NIPBL: variants seen among roughly 807,000 people sequenced by gnomAD.
NIPBL encodes the protein NIPBL cohesin loading factor.
A neutral mutation model predicts 321.8 loss-of-function variants in NIPBL; 19 were observed. The ratio of observed to expected loss-of-function variants is 0.06; its 90% CI spans 0.04 to 0.09. The LOEUF is 0.09. Among genes scored for constraint, NIPBL ranks in the 10% least tolerant of loss-of-function variants. The probability of loss-of-function intolerance (pLI) is 1.00; values close to 1 mark genes in which losing one functional copy is unlikely to be tolerated. For missense variants in NIPBL, 2,210 were observed against 3,327.0 expected (o/e 0.66, Z 8.26); for synonymous variants, 1,106 against 1,114.1 (o/e 0.99, Z 0.14).
chr5:36,913,432 C>T (rs957818543), intron 1 of NIPBL, among the ~76,000 whole-genome samples: 4 of 150,986 alleles, frequency 2.6e-5, no homozygotes. Context: ...GCTCCGTCTC[C>T]CAGGCTGGAG....
chr5:37,033,024 C>T (rs1751249110), intron 32 of NIPBL, among the ~76,000 whole-genome samples: 1 of 152,024 alleles, frequency 6.6e-6, no homozygotes. Context: ...AAGTGCATGG[C>T]TAATATATGT....
chr5:36,945,653 T>G (rs1008307518), intron 1 of NIPBL, among the ~76,000 whole-genome samples: 34 of 152,222 alleles, frequency 2.2e-4, no homozygotes, highest in African/African-American at 8.2e-4. Context: ...CTTTGCTTTA[T>G]TTTGCATTTT....
intron 1 of NIPBL, among the ~76,000 whole-genome samples, chr5:36,918,122 C>G (rs1267842195): frequency 6.6e-6 from 1 of 152,092 alleles, no homozygotes; most frequent in African/African-American, 2.4e-5. Context: ...GGCAGTATGG[C>G]CATTTTCACG....
chr5:36,897,194 G>A (rs1018921962), intron 1 of NIPBL, among the ~76,000 whole-genome samples: 4 of 151,540 alleles, frequency 2.6e-5, no homozygotes, highest in Admixed American at 2.6e-4. Context: ...AGTAGAGATG[G>A]GGTTTCACTA....
At position 37,026,326 on chromosome 5, in the gene NIPBL, T is replaced by C; in HGVS notation, c.5807T>C (p.Val1936Ala). Residue 1936 changes from valine (V) to alanine (A), a missense_variant and splice_region_variant, in exon 31 of 47, where the codon GTG (valine) becomes GCG (alanine). Coordinates refer to ENST00000282516, the MANE Select transcript of NIPBL (RefSeq NM_133433.4). ...MTRKILNITDVVAACRDTGYD... is the reference protein window; with the variant it reads ...MTRKILNITDAVAACRDTGYD... The stretch of plus-strand genomic sequence containing the variant: ...AGGAAAATTTTAAACATTACCGATG[T>C]GGTAAGAAGGACTGGAACAAGGGTG... 1.9e-6 allele frequency: 3 copies of C among 1,584,392 alleles called. No individual in the cohort carries two copies. Among genetic ancestry groups the C allele is most frequent in the Non-Finnish European group, 2.6e-6 (3 of 1,153,916 alleles).
intron 29 of NIPBL, 135 bp downstream of exon 29, chr5:37,022,525 C>T (rs1425893959): frequency 1.5e-5 from 11 of 757,138 alleles, no homozygotes; most frequent in Non-Finnish European, 2.0e-5. Context: ...TGAACTATTG[C>T]CACTTTCTAA....
chr5:37,021,416 A>G (rs1000988429), intron 27 of NIPBL, among the ~76,000 whole-genome samples: 1 of 152,138 alleles, frequency 6.6e-6, no homozygotes, highest in African/African-American at 2.4e-5. Flanking sequence ...CATTATAAAA[A>G]CATCCAACTA....
chr5:36,926,907 T>G (rs1017141781), intron 1 of NIPBL, among the ~76,000 whole-genome samples: 1 of 152,182 alleles, frequency 6.6e-6, no homozygotes, highest in Non-Finnish European at 1.5e-5. Flanking sequence ...TTCATGTATT[T>G]TTTTACCGGG....
In NIPBL at chr5:36,985,071, G is replaced by A. The variant is rs142820200; in HGVS notation, c.1891G>A (p.Val631Met). 1.2e-6 allele frequency: 2 copies of A among 1,613,816 alleles called. No homozygotes were observed. Among genetic ancestry groups the A allele is most frequent in the Admixed American group, 1.7e-5 (1 of 59,866 alleles). ...ATCTAAACCAAATGAAAACCGATTGGTGGAGACAAAATCAAGTGAAAATAA... is the reference window on the plus strand; with the variant it reads ...ATCTAAACCAAATGAAAACCGATTGATGGAGACAAAATCAAGTGAAAATAA... ...AESKPNENRL[V>M]ETKSSENKLE... The change falls in exon 10 of 47, where the codon GTG becomes ATG. Residue 631 changes from valine to methionine, a missense_variant. Transcript: ENST00000282516.
chr5:36,947,460 G>A (rs527338930), intron 1 of NIPBL, among the ~76,000 whole-genome samples: 1 of 152,060 alleles, frequency 6.6e-6, no homozygotes, highest in Non-Finnish European at 1.5e-5. Context: ...AAAGCTTAAG[G>A]ATGTGGAAAA....
At chr5:36,972,165 AT>A in intron 8 of NIPBL, 124 bp downstream of exon 8, 1 of 680,430 alleles carries the variant, frequency 1.5e-6, no homozygotes. Context: ...AGAAAAAAAA[AT>A]AAACCTGTAC....
At chr5:36,997,071 G>A (rs1371257264) in intron 11 of NIPBL, 1 of 152,076 alleles carries the variant, frequency 6.6e-6, no homozygotes, top group Non-Finnish European at 1.5e-5. Flanking sequence ...TATTAAAATG[G>A]CTAAAGTTAA....
chr5:36,983,759 A>G (rs1211915878), intron 9 of NIPBL, among the ~76,000 whole-genome samples: 1 of 152,014 alleles, frequency 6.6e-6, no homozygotes, highest in Non-Finnish European at 1.5e-5. Flanking sequence ...ACAGAAATAT[A>G]TAGATGTTAA....
intron 29 of NIPBL, 50 bp downstream of exon 29, chr5:37,022,440 A>G (rs957530828): frequency 4.6e-6 from 7 of 1,524,326 alleles, no homozygotes; most frequent in Non-Finnish European, 6.2e-6. Context: ...TTGCCTTTCA[A>G]GCATCATGTT....
chr5:37,054,695 A>G (rs986182971), intron 42 of NIPBL, among the ~76,000 whole-genome samples: 4 of 152,174 alleles, frequency 2.6e-5, no homozygotes, highest in Non-Finnish European at 5.9e-5. Flanking sequence ...ACCTCCAACA[A>G]AGAATGTCAG....
intron 9 of NIPBL, among the ~76,000 whole-genome samples, chr5:36,981,224 G>A (rs541153138): frequency 2.6e-5 from 4 of 151,642 alleles, no homozygotes; most frequent in South Asian, 2.1e-4. Context: ...CAATATATTC[G>A]TTTACTGTGA....
intron 46 of NIPBL, chr5:37,064,188 T>C (rs1755132121): frequency 1.2e-5 from 17 of 1,413,522 alleles, no homozygotes; most frequent in Non-Finnish European, 1.6e-5. Flanking sequence ...AGAAATGAGA[T>C]TTATCCAGCA....
intron 33 of NIPBL, among the ~76,000 whole-genome samples, chr5:37,036,734 AATAGCATATT>A (rs1173885604): frequency 6.6e-6 from 1 of 151,498 alleles, no homozygotes; most frequent in African/African-American, 2.4e-5. Context: ...CATATCTTTT[AATAGCATATT>A]ATAATTTTAG....
chr5:36,986,142 A>G lies in NIPBL; in HGVS notation c.2962A>G (p.Lys988Glu), dbSNP rs778735646. The change falls in exon 10 of 47, where the codon AAA (lysine) becomes GAA (glutamate). Residue 988 changes from lysine (K) to glutamate (E), a missense_variant. Lys to Glu is a moderately conservative substitution (Grantham distance 56, BLOSUM62 1). This residue lies in a region of NIPBL where 588 missense variants were observed against 564.1 expected (regional missense o/e 1.04). Coordinates refer to ENST00000282516, the MANE Select transcript of NIPBL (RefSeq NM_133433.4). ...AGGAGAGCCGAAAGACAAAGTAGAA[A>G]AAATAGGATTAGTTGAAGATCTAAA... ...MKGEPKDKVEKIGLVEDLNKG... is the reference protein window; with the variant it reads ...MKGEPKDKVEEIGLVEDLNKG... 4 of 1,614,014 alleles carry G rather than the reference A, an allele frequency of 2.5e-6. No individual in the cohort carries two copies. The South Asian group carries it at 4.4e-5, about 18-fold the overall frequency.
Sources: allele counts gnomAD v4.1 joint callset (sites outside exome capture counted in the v4.1 genomes callset), GRCh38; gene constraint gnomAD v4.1.1; regional missense constraint gnomAD v4.1.1; transcripts MANE v1.5; gene names NCBI Gene and HGNC (gene_info 2026-07-23, HGNC 2026-07-21).